Variants in EVC2 observed in about 807,000 individuals in gnomAD.
EVC2 encodes limbin.
EVC2 carries 148 observed loss-of-function variants against 149.3 expected under a neutral mutation model. That is an observed-to-expected ratio of 0.99 (90% CI 0.87 to 1.14). The LOEUF is 1.14. EVC2 is among the 50% of genes most tolerant of loss of function. The pLI, the probability that EVC2 is intolerant of heterozygous loss-of-function variation, is 0.00. For synonymous variants in EVC2, 776 were observed against 649.9 expected, an observed-to-expected ratio of 1.19 and a Z score of -2.95; for missense variants, 1,854 against 1,627.3, an observed-to-expected ratio of 1.14 and a Z score of -2.40.
intron 17 of EVC2, among the ~76,000 whole-genome samples, chr4:5,578,243 A>G (rs1303571684): frequency 2.7e-5 from 4 of 147,558 alleles, no homozygotes; most frequent in Non-Finnish European, 4.5e-5. Flanking sequence ...CCTTTCTCCC[A>G]GCAGTCAGCA....
intron 20 of EVC2, among the ~76,000 whole-genome samples, chr4:5,566,110 G>C (rs1722268955): frequency 6.6e-6 from 1 of 152,242 alleles, no homozygotes; most frequent in Admixed American, 6.5e-5. Flanking sequence ...TACAAATACA[G>C]AAGTTGGGAA....
At chr4:5,585,932 G>A (rs1712240916) in intron 16 of EVC2, among the ~76,000 whole-genome samples, 1 of 152,120 alleles carries the variant, frequency 6.6e-6, no homozygotes, top group Admixed American at 6.5e-5. Context: ...TGCAATCTTG[G>A]CTCACTGCAA....
chr4:5,596,739 T>C (rs927008489), intron 16 of EVC2, among the ~76,000 whole-genome samples: 1 of 151,680 alleles, frequency 6.6e-6, no homozygotes, highest in Non-Finnish European at 1.5e-5. Flanking sequence ...CTGAAGGAAA[T>C]AGAGACACAA....
In EVC2 at chr4:5,617,526, G is replaced by A. The variant is rs184013349; in HGVS notation, c.2706+952C>T. On this transcript the variant is annotated intron_variant, in intron 15 of 21. Coordinates refer to ENST00000344408, the MANE Select transcript of EVC2 (RefSeq NM_147127.5). ...AGCACCCTTGAGTGGTGAATGGGCCGGGGAGCTTATTTTTAGTGGAAGCCC... is the reference window on the plus strand; with the variant it reads ...AGCACCCTTGAGTGGTGAATGGGCCAGGGAGCTTATTTTTAGTGGAAGCCC... 2.7e-3 allele frequency among the ~76,000 whole-genome samples: 412 copies of A among 152,274 alleles called. 2 individuals carry two copies. The highest frequency in any genetic ancestry group is 9.1e-3 in the African/African-American group (379 of 41,540).
At chr4:5,566,803 A>G (rs1362147896) in intron 20 of EVC2, among the ~76,000 whole-genome samples, 1 of 152,014 alleles carries the variant, frequency 6.6e-6, no homozygotes, top group Non-Finnish European at 1.5e-5. Flanking sequence ...GGAAGCACCA[A>G]AAACAAGGTC....
Position 5,708,481 on chromosome 4 carries a change from C to G in EVC2, c.33G>C (p.Thr11=). 6.7e-7 allele frequency: 1 copy of G among 1,486,664 alleles called. No homozygotes were observed. The highest frequency in any genetic ancestry group is 1.3e-5 in the South Asian group (1 of 78,638). The allele number at this position is 1,486,664 out of a possible 1,614,324, so 92.1% of individuals were successfully genotyped here. Residue 11 remains threonine, a synonymous_variant, in exon 1 of 22, where the codon ACG becomes ACC. Coordinates refer to ENST00000344408, the MANE Select transcript of EVC2 (RefSeq NM_147127.5). ...CCAGGAGACCCCCGGCCAGCACCCA[C>G]GTGGGGCGCCCCCGGGAGCCCGAGG... is the stretch of plus-strand genomic sequence containing the variant. MDPSGSRGRP[T]WVLAGGLLAV... is the part of the protein sequence containing the mutation.
chr4:5,582,169 G>A (rs561865098), intron 17 of EVC2, among the ~76,000 whole-genome samples: 1 of 152,176 alleles, frequency 6.6e-6, no homozygotes, highest in Non-Finnish European at 1.5e-5. Context: ...GTGATAAGGG[G>A]GCTGCTATCC....
At chr4:5,533,223 T>C in the EVC2 span, among the ~76,000 whole-genome samples, 2 of 152,008 alleles carry the variant, frequency 1.3e-5, no homozygotes, top group Admixed American at 1.3e-4. Flanking sequence ...TTGCGATTTT[T>C]AATAGGGCAA....
chr4:5,536,507 G>A, the EVC2 span, among the ~76,000 whole-genome samples: 3 of 151,988 alleles, frequency 2.0e-5, no homozygotes, highest in Non-Finnish European at 2.9e-5. Flanking sequence ...AGTTATGGCT[G>A]GGCGCGGTGG....
chr4:5,581,619 T>C (rs1004535058), intron 17 of EVC2, among the ~76,000 whole-genome samples: 9 of 152,218 alleles, frequency 5.9e-5, no homozygotes, highest in African/African-American at 1.9e-4. Context: ...CCTATGTTCA[T>C]ATGTGTGAGC....
At chr4:5,676,050 C>T (rs577222724) in intron 7 of EVC2, among the ~76,000 whole-genome samples, 2 of 152,290 alleles carry the variant, frequency 1.3e-5, no homozygotes, top group South Asian at 4.1e-4. Flanking sequence ...GAGATCCTGG[C>T]AGCAGAACAC....
At chr4:5,644,273 C>T (rs906902342) in intron 9 of EVC2, among the ~76,000 whole-genome samples, 1 of 152,058 alleles carries the variant, frequency 6.6e-6, no homozygotes, top group Non-Finnish European at 1.5e-5. Flanking sequence ...AAAATTGAGA[C>T]AAAATATACA....
At chr4:5,590,560 C>G (rs1182789334) in intron 16 of EVC2, among the ~76,000 whole-genome samples, 1 of 152,156 alleles carries the variant, frequency 6.6e-6, no homozygotes, top group Non-Finnish European at 1.5e-5. Flanking sequence ...CCTGACACTG[C>G]CCCTCCTTTT....
At chr4:5,532,666 G>GC in the EVC2 span, among the ~76,000 whole-genome samples, 1 of 152,180 alleles carries the variant, frequency 6.6e-6, no homozygotes, top group Non-Finnish European at 1.5e-5. Flanking sequence ...GGCTGCCTAA[G>GC]TGTGGCCACT....
downstream of EVC2, among the ~76,000 whole-genome samples, chr4:5,558,880 C>T (rs1401532074): frequency 1.3e-5 from 2 of 152,072 alleles, no homozygotes; most frequent in Non-Finnish European, 2.9e-5. Flanking sequence ...ATGGGAGCCA[C>T]GATTTTCACT....
chr4:5,576,422 G>T lies in EVC2; in HGVS notation c.3090C>A (p.Asp1030Glu). Reference sequence around the variant, plus strand: ...GGGCTGCCTCCTGCTGCACCAGCTGGTCCTCCAGCTTCCTCTCCAACTCCT... The same window carrying T: ...GGGCTGCCTCCTGCTGCACCAGCTGTTCCTCCAGCTTCCTCTCCAACTCCT... ...ELQELERKLEDQLVQQEAAQQ... is the reference protein window; with the variant it reads ...ELQELERKLEEQLVQQEAAQQ... Residue 1030 changes from aspartate to glutamate, a missense_variant, in exon 18 of 22, where the codon GAC becomes GAA. Transcript: ENST00000344408. This position sits in a 1 kb window ranked among gnomAD's most constrained non-coding sequence, Gnocchi z 4.5. 6.2e-7 allele frequency: 1 copy of T among 1,610,004 alleles called. No homozygotes were observed. The highest frequency in any genetic ancestry group is 8.5e-7 in the Non-Finnish European group (1 of 1,178,028).
At chr4:5,603,431 C>T (rs150633942) in intron 16 of EVC2, among the ~76,000 whole-genome samples, 5 of 152,168 alleles carry the variant, frequency 3.3e-5, no homozygotes, top group African/African-American at 1.2e-4. Flanking sequence ...TTTCAACATG[C>T]CTTCTTTTCT....
At chr4:5,543,075 C>G in exon 22 of EVC2, 5 of 1,181,154 alleles carry the variant, frequency 4.2e-6, no homozygotes, top group Non-Finnish European at 5.6e-6. Context: ...CCAACGATTG[C>G]ACTGCTCAGT....
intron 19 of EVC2, among the ~76,000 whole-genome samples, chr4:5,571,070 C>A (rs539517617): frequency 6.6e-6 from 1 of 152,032 alleles, no homozygotes; most frequent in Admixed American, 6.6e-5. Flanking sequence ...AATCCCAGCA[C>A]TTTGGGAGGC....
Sources: allele counts gnomAD v4.1 joint callset (sites outside exome capture counted in the v4.1 genomes callset), GRCh38; gene constraint gnomAD v4.1.1; non-coding constraint Gnocchi (gnomAD v3.1); transcripts MANE v1.5; gene names NCBI Gene and HGNC (gene_info 2026-07-23, HGNC 2026-07-21).